Variants in BTAF1 observed in about 807,000 individuals in gnomAD.
The protein encoded by BTAF1 is TATA-binding protein-associated factor 172.
Under a neutral mutation model 227.1 loss-of-function variants are expected in BTAF1, and 38 were observed. That is an observed-to-expected ratio of 0.17 (90% CI 0.13 to 0.22). The LOEUF is 0.22. BTAF1 is among the 10% of genes least tolerant of loss of function. BTAF1 has a pLI of 1.00. For missense variants in BTAF1, 1,598 were observed against 2,204.0 expected, an observed-to-expected ratio of 0.73 and a Z score of 5.51; for synonymous variants, 742 against 751.9, an observed-to-expected ratio of 0.99 and a Z score of 0.21.
At chr10:91,937,235 C>G (rs1270017787) in intron 2 of BTAF1, among the ~76,000 whole-genome samples, 2 of 152,070 alleles carry the variant, frequency 1.3e-5, no homozygotes, top group African/African-American at 4.8e-5. Flanking sequence ...CCTCGTGATC[C>G]TCCCACCTTG....
chr10:91,992,852 T>C (rs1180748084), intron 21 of BTAF1, among the ~76,000 whole-genome samples: 1 of 152,176 alleles, frequency 6.6e-6, no homozygotes, highest in Non-Finnish European at 1.5e-5. Context: ...TGTTACACCG[T>C]ACAGTCTTAA....
At chr10:91,997,090 G>C (rs1195839320) in intron 24 of BTAF1, 1 of 1,287,024 alleles carries the variant, frequency 7.8e-7, no homozygotes, top group South Asian at 1.2e-5. Context: ...ATATTTCACA[G>C]AGCTCAAAAG....
chr10:91,937,792 G>A (rs1384170364), intron 2 of BTAF1, among the ~76,000 whole-genome samples: 1 of 152,070 alleles, frequency 6.6e-6, no homozygotes, highest in Non-Finnish European at 1.5e-5. Flanking sequence ...ATTCTCCAGA[G>A]TATATATATA....
In BTAF1 at chr10:91,939,947, T is replaced by C; in HGVS notation, c.139-5T>C. 1 of 1,588,198 alleles carries C rather than the reference T, an allele frequency of 6.3e-7. No individual in the cohort carries two copies. The highest frequency in any genetic ancestry group is 8.6e-7 in the Non-Finnish European group (1 of 1,158,558). Reference sequence around the variant, plus strand: ...ATACGTAACTTTTATTTTATAATTTTTAAGGTGTTGATATATTTAAGGAGT... The same window carrying C: ...ATACGTAACTTTTATTTTATAATTTCTAAGGTGTTGATATATTTAAGGAGT... On this transcript the variant is annotated splice_region_variant and splice_polypyrimidine_tract_variant and intron_variant, in intron 2 of 37. Coordinates refer to ENST00000265990, the MANE Select transcript of BTAF1 (RefSeq NM_003972.3).
chr10:92,015,960 G>A (rs920021565), intron 32 of BTAF1, among the ~76,000 whole-genome samples: 1 of 152,042 alleles, frequency 6.6e-6, no homozygotes, highest in Admixed American at 6.6e-5. Context: ...ATTTAAGGAA[G>A]ATTTTTCTCA....
At chr10:91,930,730 T>A (rs969128813) in intron 1 of BTAF1, among the ~76,000 whole-genome samples, 8 of 152,234 alleles carry the variant, frequency 5.3e-5, no homozygotes, top group Non-Finnish European at 1.2e-4. Flanking sequence ...TACTAAGTAA[T>A]GGTCATTATC....
At chr10:92,009,998 T>C (rs1430926718) in intron 28 of BTAF1, among the ~76,000 whole-genome samples, 1 of 152,226 alleles carries the variant, frequency 6.6e-6, no homozygotes, top group Non-Finnish European at 1.5e-5. Flanking sequence ...TTAAAATTTT[T>C]AGTTTTTATC....
In BTAF1 at chr10:91,982,215, A is replaced by T; in HGVS notation, c.2038A>T (p.Met680Leu). ...TTTTGTAGTTATGCGGGCCAGAATGATGGCAGCCAAGTGAGTGTACATTAA... is the reference window on the plus strand; with the variant it reads ...TTTTGTAGTTATGCGGGCCAGAATGTTGGCAGCCAAGTGAGTGTACATTAA... ...RDFVVMRARMMAAKLLGALCC... is the reference protein window; with the variant it reads ...RDFVVMRARMLAAKLLGALCC... Residue 680 changes from methionine (M) to leucine (L), a missense_variant, in exon 17 of 38, where the codon ATG becomes TTG. Coordinates refer to ENST00000265990, the MANE Select transcript of BTAF1 (RefSeq NM_003972.3). 2 of 1,613,974 alleles carry T rather than the reference A, an allele frequency of 1.2e-6. No individual in the cohort carries two copies. The highest frequency in any genetic ancestry group is 1.1e-5 in the South Asian group (1 of 91,076).
intron 2 of BTAF1, among the ~76,000 whole-genome samples, chr10:91,937,314 T>G (rs2133800724): frequency 6.6e-6 from 1 of 152,272 alleles, no homozygotes; most frequent in Admixed American, 6.5e-5. Context: ...TTAAACAGCT[T>G]TATTAAAATA....
intron 1 of BTAF1, among the ~76,000 whole-genome samples, chr10:91,930,603 C>T (rs1844206526): frequency 6.6e-6 from 1 of 152,044 alleles, no homozygotes; most frequent in Non-Finnish European, 1.5e-5. Flanking sequence ...CACAACATGA[C>T]CTAGAAAGTA....
At chr10:91,977,290 A>G (rs1022606910) in intron 14 of BTAF1, among the ~76,000 whole-genome samples, 1 of 152,108 alleles carries the variant, frequency 6.6e-6, no homozygotes, top group Non-Finnish European at 1.5e-5. Flanking sequence ...AAGAAACGCC[A>G]TTTCCATAGT....
At chr10:92,026,815 T>C (rs1851548376) in intron 36 of BTAF1, 64 bp downstream of exon 36, 10 of 1,514,230 alleles carry the variant, frequency 6.6e-6, no homozygotes, top group Admixed American at 4.3e-5. Flanking sequence ...CCCAGAAAGA[T>C]AGGAAACCTT....
chr10:91,951,362 T>G (rs762600930), intron 4 of BTAF1, 41 bp from the exon 5 acceptor site: 2 of 1,586,960 alleles, frequency 1.3e-6, no homozygotes, highest in Non-Finnish European at 1.7e-6. Flanking sequence ...AGAAAACTTC[T>G]TAACTGATTT....
At chr10:91,927,139 T>G (rs1268880512) in intron 1 of BTAF1, among the ~76,000 whole-genome samples, 1 of 88,928 alleles carries the variant, frequency 1.1e-5, no homozygotes, top group Non-Finnish European at 2.1e-5. Context: ...TTTTTTTGTT[T>G]GATTTTTTTT....
intron 14 of BTAF1, among the ~76,000 whole-genome samples, chr10:91,975,774 G>T (rs1038613761): frequency 6.6e-6 from 1 of 152,184 alleles, no homozygotes; most frequent in Non-Finnish European, 1.5e-5. Context: ...AAGAGGGACC[G>T]TAACAAAAGG....
intron 1 of BTAF1, among the ~76,000 whole-genome samples, chr10:91,924,462 A>G (rs1239241283): frequency 6.6e-6 from 1 of 152,182 alleles, no homozygotes; most frequent in African/African-American, 2.4e-5. Context: ...CTTGGTAGTT[A>G]CTGTCGATGG....
intron 25 of BTAF1, among the ~76,000 whole-genome samples, chr10:92,000,398 C>T (rs988506570): frequency 2.6e-5 from 4 of 152,146 alleles, no homozygotes; most frequent in Non-Finnish European, 5.9e-5. Context: ...ATTAGTCTAA[C>T]AGCTGAAAGT....
chr10:92,010,945 A>G (rs541115518), intron 28 of BTAF1, 128 bp from the exon 29 acceptor site: 9 of 711,490 alleles, frequency 1.3e-5, no homozygotes, highest in Non-Finnish European at 2.2e-5. Context: ...CTTCAGGGTC[A>G]TGTATGTAGA....
At chr10:92,006,022 T>C (rs1287450434) in intron 25 of BTAF1, among the ~76,000 whole-genome samples, 2 of 152,044 alleles carry the variant, frequency 1.3e-5, no homozygotes, top group South Asian at 2.1e-4. Context: ...TACAGTCCCA[T>C]GTCACCACAC....
Sources: gnomAD v4.1 joint callset for allele counts (sites outside exome capture counted in the v4.1 genomes callset) on GRCh38, gnomAD v4.1.1 for gene constraint, MANE v1.5 for transcripts, NCBI Gene and HGNC (gene_info 2026-07-23, HGNC 2026-07-21) for gene names.